The following ATRN variants were observed in gnomAD, a reference collection of about 807,000 sequenced individuals.
ATRN encodes the protein attractin-2.
Under a neutral mutation model 178.7 loss-of-function variants are expected in ATRN, and 54 were observed. The ratio of observed to expected loss-of-function variants is 0.30; its 90% CI spans 0.24 to 0.38. ATRN has a LOEUF of 0.38. Ranked by LOEUF, ATRN falls within the 10% of genes least tolerant of loss-of-function variation. The pLI is 1.00. For synonymous variants in ATRN, 636 were observed against 663.0 expected, an observed-to-expected ratio of 0.96 and a Z score of 0.63; for missense variants, 1,443 against 1,815.1, an observed-to-expected ratio of 0.79 and a Z score of 3.73.
At chr20:3,515,575 A>G (rs1600062326) in intron 1 of ATRN, among the ~76,000 whole-genome samples, 1 of 152,224 alleles carries the variant, frequency 6.6e-6, no homozygotes, top group East Asian at 1.9e-4. Context: ...AGAGGAGGGT[A>G]AGGGTTAAAG....
At chr20:3,512,377 G>A (rs371093136) in intron 1 of ATRN, among the ~76,000 whole-genome samples, 81 of 150,848 alleles carry the variant, frequency 5.4e-4, no homozygotes, top group African/African-American at 1.4e-3. Flanking sequence ...TTGTCCTTGC[G>A]ATAGTTTGCT....
Position 3,528,811 on chromosome 20 carries a change from CT to C in ATRN, c.411-6436del, listed in dbSNP as rs576264781. Among the ~76,000 whole-genome samples the C allele has an allele frequency of 2.6e-5, 4 of 152,082 alleles. No homozygotes were observed. In the South Asian group the frequency reaches 8.3e-4, roughly 32 times the overall value. On this transcript the variant is annotated intron_variant, in intron 1 of 28. Coordinates refer to ENST00000262919, the MANE Select transcript of ATRN (RefSeq NM_139321.3). ...AAACACCAGAAAGGGTACTCAGAAT[CT>C]TTTTTATCTTATTTTTTTGAGACAG...
intron 1 of ATRN, among the ~76,000 whole-genome samples, chr20:3,520,920 ATAAAT>A (rs1285944418): frequency 1.3e-5 from 2 of 152,264 alleles, no homozygotes; most frequent in African/African-American, 4.8e-5. Flanking sequence ...CTAAATGTGA[ATAAAT>A]TATGTAGTCT....
At chr20:3,475,349 A>G (rs976278648) in intron 1 of ATRN, among the ~76,000 whole-genome samples, 3 of 152,166 alleles carry the variant, frequency 2.0e-5, no homozygotes, top group African/African-American at 7.2e-5. Flanking sequence ...GAGCATTTTC[A>G]TGTACATTGT....
rs573638400 is a variant in ATRN at position 3,582,587 on chromosome 20, C to T, written c.2764+233C>T. On this transcript the variant is annotated intron_variant, in intron 16 of 28. Transcript: ENST00000262919. The stretch of plus-strand genomic sequence containing the variant: ...AAATAACTAACACTACTCGAAGAAA[C>T]TGATATTCTAATTAACAATGAGATT... 7.9e-5 allele frequency among the ~76,000 whole-genome samples: 12 copies of T among 152,166 alleles called. No homozygotes were observed. The East Asian group carries it at 1.5e-3, about 20-fold the overall frequency.
At chr20:3,574,032 A>G (rs1034491754) in intron 12 of ATRN, among the ~76,000 whole-genome samples, 2 of 152,176 alleles carry the variant, frequency 1.3e-5, no homozygotes, top group Non-Finnish European at 2.9e-5. Flanking sequence ...GCTACTGTAC[A>G]TGGCCAGAAA....
intron 15 of ATRN, 41 bp downstream of exon 15, chr20:3,578,813 C>G (rs759028433): frequency 6.4e-7 from 1 of 1,565,416 alleles, no homozygotes; most frequent in Non-Finnish European, 8.7e-7. Context: ...TGGTTATCCA[C>G]CTTTCTACCA....
chr20:3,613,393 T>C (rs1037848538), intron 24 of ATRN, among the ~76,000 whole-genome samples: 2 of 152,172 alleles, frequency 1.3e-5, no homozygotes, highest in Non-Finnish European at 2.9e-5. Flanking sequence ...CTGTGCGCTA[T>C]GTGGAGGGCT....
chr20:3,550,315 T>G (rs1397304457), intron 6 of ATRN, among the ~76,000 whole-genome samples: 5 of 152,212 alleles, frequency 3.3e-5, no homozygotes, highest in Non-Finnish European at 7.3e-5. Context: ...GGCTCTCCAT[T>G]CTGTTCCATT....
At chr20:3,531,746 A>G (rs2085456058) in intron 1 of ATRN, among the ~76,000 whole-genome samples, 1 of 152,190 alleles carries the variant, frequency 6.6e-6, no homozygotes, top group African/African-American at 2.4e-5. Flanking sequence ...GTAGGTGGTT[A>G]AATGTTTACC....
Position 3,560,894 on chromosome 20 carries a change from A to C in ATRN, c.1436A>C (p.Glu479Ala), listed in dbSNP as rs1270669902. Residue 479 changes from glutamate to alanine, a missense_variant, in exon 8 of 29, where the codon GAA (glutamate) becomes GCA (alanine). By Grantham distance (107) the Glu-to-Ala change is moderately radical (BLOSUM62 -1). Coordinates refer to ENST00000262919, the MANE Select transcript of ATRN (RefSeq NM_139321.3). Reference sequence around the variant, plus strand: ...TATGGATATATAAGCAATGTGCAGGAATATGATTTGGGTAGGTATATTTTT... The same window carrying C: ...TATGGATATATAAGCAATGTGCAGGCATATGATTTGGGTAGGTATATTTTT... ...PLYGYISNVQ[E>A]YDLDKNTWSI... The C allele has an allele frequency of 6.2e-7, 1 of 1,613,894 alleles. No individual in the cohort carries two copies. Among genetic ancestry groups the C allele is most frequent in the African/African-American group, 1.3e-5 (1 of 75,026 alleles).
At chr20:3,556,785 T>G (rs2085882933) in intron 6 of ATRN, among the ~76,000 whole-genome samples, 1 of 152,184 alleles carries the variant, frequency 6.6e-6, no homozygotes, top group South Asian at 2.1e-4. Flanking sequence ...CGTTCTTGTC[T>G]TATGTTTTTT....
intron 26 of ATRN, among the ~76,000 whole-genome samples, chr20:3,637,762 C>T (rs2087036683): frequency 6.6e-6 from 1 of 152,176 alleles, no homozygotes; most frequent in African/African-American, 2.4e-5. Flanking sequence ...GACACGGATG[C>T]CCAGAGACTT....
rs996956180 is a variant in ATRN, at chr20:3,521,601, TAAG to T, written c.411-13648_411-13646del. On this transcript the variant is annotated intron_variant, in intron 1 of 28. Coordinates refer to ENST00000262919, the MANE Select transcript of ATRN (RefSeq NM_139321.3). The stretch of plus-strand genomic sequence containing the variant: ...TCAATAAAACAAGTATACAGAAAAA[TAAG>T]AAGGTTATAGAAGACTTGAATAACA... Among the ~76,000 whole-genome samples, 6 of 152,058 alleles carry T rather than the reference TAAG, an allele frequency of 3.9e-5. No individual in the cohort carries two copies. In the South Asian group the frequency reaches 6.2e-4, roughly 16 times the overall value.
At chr20:3,546,249 T>C (rs950414798) in intron 4 of ATRN, among the ~76,000 whole-genome samples, 28 of 152,240 alleles carry the variant, frequency 1.8e-4, no homozygotes, top group African/African-American at 6.3e-4. Context: ...GTAGTTGTCA[T>C]GTACTCGATA....
intron 1 of ATRN, among the ~76,000 whole-genome samples, chr20:3,501,869 AAAG>A (rs2084969484): frequency 6.6e-6 from 1 of 152,162 alleles, no homozygotes; most frequent in Admixed American, 6.6e-5. Context: ...GGCTGCAAAG[AAAG>A]AAGGGGCGCT....
intron 3 of ATRN, among the ~76,000 whole-genome samples, chr20:3,541,924 G>A (rs1376834969): frequency 6.6e-6 from 1 of 152,186 alleles, no homozygotes; most frequent in African/African-American, 2.4e-5. Flanking sequence ...TGTGGATGAG[G>A]GAGGTAACAG....
intron 6 of ATRN, among the ~76,000 whole-genome samples, chr20:3,556,690 GA>G (rs2085881314): frequency 6.6e-6 from 1 of 152,192 alleles, no homozygotes; most frequent in African/African-American, 2.4e-5. Flanking sequence ...TCAGCTCCCA[GA>G]AGGTGCATTT....
intron 20 of ATRN, among the ~76,000 whole-genome samples, chr20:3,596,085 T>G (rs2086524186): frequency 6.6e-6 from 1 of 152,238 alleles, no homozygotes; most frequent in African/African-American, 2.4e-5. Flanking sequence ...CACACAAAAT[T>G]GAAAATGTTT....
Sources: allele counts gnomAD v4.1 joint callset (sites outside exome capture counted in the v4.1 genomes callset), GRCh38; gene constraint gnomAD v4.1.1; transcripts MANE v1.5; gene names NCBI Gene and HGNC (gene_info 2026-07-23, HGNC 2026-07-21).